Variants in SYTL5 observed in about 807,000 individuals in gnomAD.
SYTL5 encodes the protein synaptotagmin like 5.
SYTL5 carries 34 observed loss-of-function variants against 55.9 expected under a neutral mutation model. That is an observed-to-expected ratio of 0.61 (90% CI 0.46 to 0.81). The LOEUF is 0.81. Ranked by LOEUF, SYTL5 falls within the 30% of genes least tolerant of loss-of-function variation. The pLI is 0.00. For missense variants in SYTL5, 637 were observed against 546.7 expected (o/e 1.17, Z -1.65); for synonymous variants, 221 against 188.7 (o/e 1.17, Z -1.40).
the SYTL5 span, among the ~76,000 whole-genome samples, chrX:37,996,158 C>A: frequency 8.9e-6 from 1 of 111,948 alleles, no homozygotes; most frequent in Non-Finnish European, 1.9e-5. Context: ...GGAGGCACTG[C>A]TATCCCTTTA....
chrX:38,020,784 G>A (rs1268521846), intron 1 of SYTL5, among the ~76,000 whole-genome samples: 1 of 110,426 alleles, frequency 9.1e-6, no homozygotes, highest in Non-Finnish European at 1.9e-5. Flanking sequence ...CTGAGCATCT[G>A]TTATATGCCA....
chrX:37,930,289 G>A, the SYTL5 span, among the ~76,000 whole-genome samples: 16 of 111,986 alleles, frequency 1.4e-4, no homozygotes, highest in African/African-American at 5.2e-4. Flanking sequence ...GCACATGTGT[G>A]CTCAGAATCA....
the SYTL5 span, among the ~76,000 whole-genome samples, chrX:37,957,110 T>A: frequency 1.2e-5 from 1 of 85,708 alleles, no homozygotes; most frequent in Non-Finnish European, 2.3e-5. Context: ...CGATTCACAG[T>A]TTTTGCTCAC....
At chrX:38,063,076 C>T (rs979902986) in intron 3 of SYTL5, among the ~76,000 whole-genome samples, 5 of 107,814 alleles carry the variant, frequency 4.6e-5, no homozygotes, top group Non-Finnish European at 9.5e-5. Flanking sequence ...CATGATTCCT[C>T]ATGGTATGTG....
At chrX:37,944,008 CCTGCT>C in the SYTL5 span, among the ~76,000 whole-genome samples, 27 of 110,635 alleles carry the variant, frequency 2.4e-4, no homozygotes, top group Admixed American at 1.9e-3. Flanking sequence ...ACAATTGTTC[CCTGCT>C]TTTCTGGAGC....
chrX:37,957,218 T>C, the SYTL5 span, among the ~76,000 whole-genome samples: 1 of 111,882 alleles, frequency 8.9e-6, no homozygotes, highest in Non-Finnish European at 1.9e-5. Flanking sequence ...CAATTTTTTT[T>C]CTCATTCTGT....
intron 15 of SYTL5, among the ~76,000 whole-genome samples, chrX:38,123,310 G>T (rs1937592483): frequency 1.8e-5 from 2 of 110,917 alleles, no homozygotes; most frequent in South Asian, 7.6e-4. Context: ...TTTATTTTTA[G>T]TAGAGACAGG....
chrX:38,005,057 A>G (rs1181888395), upstream of SYTL5, among the ~76,000 whole-genome samples: 1 of 110,866 alleles, frequency 9.0e-6, no homozygotes, highest in Non-Finnish European at 1.9e-5. Context: ...TACACCTACT[A>G]TTTTTCCATA....
the SYTL5 span, among the ~76,000 whole-genome samples, chrX:37,931,842 C>T: frequency 9.0e-6 from 1 of 110,883 alleles, no homozygotes. Flanking sequence ...TCAGTCTGCT[C>T]AATTTGAGTT....
At chrX:38,046,056 G>C (rs1367377487) in intron 2 of SYTL5, among the ~76,000 whole-genome samples, 1 of 111,663 alleles carries the variant, frequency 9.0e-6, no homozygotes, top group Non-Finnish European at 1.9e-5. Flanking sequence ...TTAATATATT[G>C]AGAGCCAGTG....
the SYTL5 span, among the ~76,000 whole-genome samples, chrX:37,938,890 C>T: frequency 8.9e-6 from 1 of 111,977 alleles, no homozygotes. Flanking sequence ...TCAAACAGTT[C>T]ATTTACTAGG....
At chrX:38,064,650 G>T (rs1332761398) in intron 3 of SYTL5, among the ~76,000 whole-genome samples, 1 of 110,794 alleles carries the variant, frequency 9.0e-6, no homozygotes, top group Non-Finnish European at 1.9e-5. Context: ...ATTTCTTTTG[G>T]TTAATAGCTG....
At chrX:37,927,776 AAAAACAAAAC>A in the SYTL5 span, among the ~76,000 whole-genome samples, 2 of 110,903 alleles carry the variant, frequency 1.8e-5, no homozygotes, top group African/African-American at 6.6e-5. Flanking sequence ...ACTCTGTCTC[AAAAACAAAAC>A]AAAACAAAAC....
chrX:38,055,312 T>A (rs772519598), intron 3 of SYTL5, among the ~76,000 whole-genome samples: 186 of 111,622 alleles, frequency 1.7e-3, no homozygotes, highest in African/African-American at 5.6e-3. Flanking sequence ...CCTGTGGGAG[T>A]GCAGTAAGCA....
chrX:38,016,759 CA>C (rs2147119978), intron 1 of SYTL5, among the ~76,000 whole-genome samples: 1 of 112,166 alleles, frequency 8.9e-6, no homozygotes, highest in African/African-American at 3.2e-5. Context: ...CACTCACCTT[CA>C]AGCTACTTAC....
intron 2 of SYTL5, among the ~76,000 whole-genome samples, chrX:38,034,349 C>T (rs963313300): frequency 8.9e-6 from 1 of 112,370 alleles, no homozygotes; most frequent in African/African-American, 3.2e-5. Flanking sequence ...CTTCCCTATG[C>T]CTTGGTTTCC....
the SYTL5 span, among the ~76,000 whole-genome samples, chrX:37,891,329 A>G: frequency 8.9e-6 from 1 of 112,614 alleles, no homozygotes; most frequent in African/African-American, 3.2e-5. Flanking sequence ...TACATGCTAC[A>G]GCATATATGA....
At chrX:38,039,581 G>A (rs914385678) in intron 2 of SYTL5, among the ~76,000 whole-genome samples, 2 of 111,799 alleles carry the variant, frequency 1.8e-5, no homozygotes, top group Non-Finnish European at 3.8e-5. Flanking sequence ...TATCTACTTT[G>A]TGGTATTGAC....
chrX:38,008,379 G>T lies in SYTL5; in HGVS notation c.-357+1711G>T, dbSNP rs138368464. Reference sequence around the variant, plus strand: ...GTTCCATTCCTGGTTATCTCTTTCTGTGGGGAGTATCATCATTTCCTTTGA... The same window carrying T: ...GTTCCATTCCTGGTTATCTCTTTCTTTGGGGAGTATCATCATTTCCTTTGA... On this transcript the variant is annotated intron_variant, in intron 1 of 16. Coordinates refer to ENST00000297875, the MANE Select transcript of SYTL5 (RefSeq NM_138780.3). 7.3e-3 allele frequency among the ~76,000 whole-genome samples: 807 copies of T among 111,104 alleles called. 5 individuals are homozygous for T. The highest frequency in any genetic ancestry group is 0.01 in the Non-Finnish European group (546 of 52,875).
Sources: gnomAD v4.1 joint callset for allele counts (sites outside exome capture counted in the v4.1 genomes callset) on GRCh38, gnomAD v4.1.1 for gene constraint, MANE v1.5 for transcripts, NCBI Gene and HGNC (gene_info 2026-07-23, HGNC 2026-07-21) for gene names.